RPS6KC1: variants seen among roughly 807,000 people sequenced by gnomAD.
The protein encoded by RPS6KC1 is inactive ribosomal protein S6 kinase delta-1.
Under a neutral mutation model 103.8 loss-of-function variants are expected in RPS6KC1, and 54 were observed. That is an observed-to-expected ratio of 0.52 (90% confidence interval 0.42 to 0.65). The LOEUF is 0.65. Ranked by LOEUF, RPS6KC1 falls within the 30% of genes least tolerant of loss-of-function variation. The probability of loss-of-function intolerance (pLI) is 0.00; values close to 1 mark genes in which losing one functional copy is unlikely to be tolerated. For missense variants in RPS6KC1, 1,151 were observed against 1,253.8 expected (o/e 0.92, Z 1.24); for synonymous variants, 439 against 438.7 (o/e 1.00, Z -0.01).
chr1:213,423,355 G>A, the RPS6KC1 span, among the ~76,000 whole-genome samples: 1 of 152,220 alleles, frequency 6.6e-6, no homozygotes, highest in Non-Finnish European at 1.5e-5. Context: ...TTGATGGCAG[G>A]AGTTTTGTAT....
At chr1:213,696,328 C>T in the RPS6KC1 span, among the ~76,000 whole-genome samples, 4 of 151,792 alleles carry the variant, frequency 2.6e-5, no homozygotes, top group South Asian at 6.2e-4. Context: ...GGAGAAACTC[C>T]GTCTGTACTA....
chr1:213,540,691 C>T, the RPS6KC1 span, among the ~76,000 whole-genome samples: 1 of 152,200 alleles, frequency 6.6e-6, no homozygotes, highest in Non-Finnish European at 1.5e-5. Flanking sequence ...TTTTCCACAT[C>T]AGTGGACTAT....
At chr1:213,371,310 C>T in the RPS6KC1 span, among the ~76,000 whole-genome samples, 2 of 152,138 alleles carry the variant, frequency 1.3e-5, no homozygotes, top group Admixed American at 1.3e-4. Context: ...GAATAATATT[C>T]CACTGTTATG....
the RPS6KC1 span, chr1:213,428,958 T>G: frequency 6.5e-6 from 1 of 153,210 alleles, no homozygotes; most frequent in African/African-American, 2.4e-5. Flanking sequence ...AGGGCCACAC[T>G]TCTTGAGGTC....
the RPS6KC1 span, among the ~76,000 whole-genome samples, chr1:213,712,650 CT>C: frequency 6.6e-6 from 1 of 152,162 alleles, no homozygotes; most frequent in African/African-American, 2.4e-5. Flanking sequence ...GGTGTAGGCA[CT>C]TGAGGGAATC....
intron 1 of RPS6KC1, among the ~76,000 whole-genome samples, chr1:213,066,394 A>T (rs2078334410): frequency 6.6e-6 from 1 of 152,176 alleles, no homozygotes; most frequent in South Asian, 2.1e-4. Context: ...GATTTTCCAA[A>T]CCCTGTCTAA....
the RPS6KC1 span, among the ~76,000 whole-genome samples, chr1:213,629,908 G>A: frequency 6.6e-6 from 1 of 152,258 alleles, no homozygotes; most frequent in South Asian, 2.1e-4. Flanking sequence ...GTTGAATATT[G>A]GCCTCCACTC....
intron 6 of RPS6KC1, among the ~76,000 whole-genome samples, chr1:213,135,140 G>A (rs61834111): frequency 0.01 from 1,582 of 152,202 alleles, 11 homozygotes; most frequent in Middle Eastern, 0.017. Flanking sequence ...AGGGGTGTTG[G>A]ATTCTGACAA....
chr1:213,615,740 G>A, the RPS6KC1 span, among the ~76,000 whole-genome samples: 1 of 152,258 alleles, frequency 6.6e-6, no homozygotes, highest in Admixed American at 6.5e-5. Context: ...CAGCTGAGCT[G>A]CTGCTAAGAC....
At chr1:213,605,130 T>G in the RPS6KC1 span, among the ~76,000 whole-genome samples, 6 of 152,222 alleles carry the variant, frequency 3.9e-5, no homozygotes, top group Admixed American at 3.9e-4. Context: ...TTGGTAGTTT[T>G]TTTAATTGCA....
At chr1:213,545,371 CAAAT>C in the RPS6KC1 span, among the ~76,000 whole-genome samples, 3,006 of 119,622 alleles carry the variant, frequency 0.025, 54 homozygotes, top group Middle Eastern at 0.071. Flanking sequence ...AACTCTGTCT[CAAAT>C]AAATAAATAA....
At chr1:213,817,798 T>TG in the RPS6KC1 span, 2 of 151,040 alleles carry the variant, frequency 1.3e-5, no homozygotes, top group African/African-American at 4.9e-5. Context: ...ATATTACAGT[T>TG]TTTTTTTTTT....
At chr1:213,419,376 A>C in the RPS6KC1 span, among the ~76,000 whole-genome samples, 15 of 152,302 alleles carry the variant, frequency 9.8e-5, no homozygotes, top group African/African-American at 3.6e-4. Flanking sequence ...TAATGGTGGT[A>C]ATTAGCCATT....
the RPS6KC1 span, among the ~76,000 whole-genome samples, chr1:213,323,646 C>T: frequency 6.6e-6 from 1 of 152,184 alleles, no homozygotes; most frequent in African/African-American, 2.4e-5. Flanking sequence ...TTATAAATTC[C>T]TACTTTTTCC....
intron 3 of RPS6KC1, among the ~76,000 whole-genome samples, chr1:213,104,218 A>G (rs1196085554): frequency 6.6e-6 from 1 of 152,226 alleles, no homozygotes. Flanking sequence ...TTATGAATGT[A>G]CCATTTATTT....
chr1:213,302,666 C>T, the RPS6KC1 span, among the ~76,000 whole-genome samples: 2 of 152,120 alleles, frequency 1.3e-5, no homozygotes, highest in Non-Finnish European at 2.9e-5. Flanking sequence ...CGATCTGTGG[C>T]TCATCCACAT....
the RPS6KC1 span, among the ~76,000 whole-genome samples, chr1:213,603,772 A>C: frequency 6.6e-6 from 1 of 152,060 alleles, no homozygotes; most frequent in Non-Finnish European, 1.5e-5. Flanking sequence ...AGGCAGGAGA[A>C]TCGCTTGAAC....
the RPS6KC1 span, among the ~76,000 whole-genome samples, chr1:213,607,688 T>TACACACACACACACACAC: frequency 7.1e-6 from 1 of 140,802 alleles, no homozygotes; most frequent in Non-Finnish European, 1.5e-5. Flanking sequence ...CAGTTGCAAT[T>TACACACACACACACACAC]ACACACACAC....
At chr1:213,517,507 A>G in the RPS6KC1 span, among the ~76,000 whole-genome samples, 1 of 152,190 alleles carries the variant, frequency 6.6e-6, no homozygotes, top group Admixed American at 6.5e-5. Flanking sequence ...ATTCAGGAGC[A>G]GGTTGTTCAC....
Sources: allele counts gnomAD v4.1 joint callset (sites outside exome capture counted in the v4.1 genomes callset), GRCh38; gene constraint gnomAD v4.1.1; transcripts MANE v1.5; gene names NCBI Gene and HGNC (gene_info 2026-07-23, HGNC 2026-07-21).